Variants in SLC39A14 observed in about 807,000 individuals in gnomAD.
SLC39A14 encodes metal cation symporter ZIP14.
SLC39A14 carries 19 observed loss-of-function variants against 45.5 expected under a neutral mutation model. The observed-to-expected ratio is 0.42, with a 90% CI of 0.29 to 0.61. The LOEUF (loss-of-function observed/expected upper bound fraction) is 0.61. SLC39A14 is among the 20% of genes least tolerant of loss of function. SLC39A14 has a pLI of 0.22. For missense variants in SLC39A14, 447 were observed against 616.5 expected, an observed-to-expected ratio of 0.73 and a Z score of 2.91; for synonymous variants, 264 against 251.3, an observed-to-expected ratio of 1.05 and a Z score of -0.48.
intron 2 of SLC39A14, among the ~76,000 whole-genome samples, chr8:22,407,037 G>T (rs911933176): frequency 6.6e-6 from 1 of 152,224 alleles, no homozygotes; most frequent in East Asian, 1.9e-4. Context: ...CGTGAGAAGC[G>T]CTTACCTGCT....
rs1468327135 is a variant in SLC39A14 at position 22,420,783 on chromosome 8, T to G, written c.*1085T>G. 1.0e-6 allele frequency: 1 copy of G among 985,302 alleles called. No homozygotes were observed. The highest frequency in any genetic ancestry group is 1.2e-6 in the Non-Finnish European group (1 of 829,930). 61.0% of individuals were successfully genotyped at this position (985,302 alleles called of 1,614,324 possible). On this transcript the variant is annotated 3_prime_UTR_variant, in exon 9 of 9. Transcript: ENST00000381237. ...CAAAGCATGACTAATAGGGGGTCTC[T>G]GAAATGTAAGGGCACAAACTTCACT...
At chr8:22,397,532 A>T (rs971624190) in intron 1 of SLC39A14, among the ~76,000 whole-genome samples, 4 of 151,966 alleles carry the variant, frequency 2.6e-5, no homozygotes, top group Non-Finnish European at 5.9e-5. Context: ...GAGCCGAGAT[A>T]GCGCCGCTGC....
downstream of SLC39A14, among the ~76,000 whole-genome samples, chr8:22,427,336 C>G (rs1836403970): frequency 6.6e-6 from 1 of 152,052 alleles, no homozygotes; most frequent in African/African-American, 2.4e-5. Flanking sequence ...CTGCGTTTGG[C>G]TAACATTTTA....
rs1169988958 is a variant in SLC39A14 at position 22,394,481 on chromosome 8, G to A, written c.-15-10215G>A. Among the ~76,000 whole-genome samples the A allele has an allele frequency of 2.0e-5, 3 of 151,514 alleles. No individual in the cohort carries two copies. In the South Asian group the frequency reaches 6.3e-4, roughly 32 times the overall value. On this transcript the variant is annotated intron_variant, in intron 1 of 8. Transcript: ENST00000381237. ...ACTACAGGCGCCCACCACCACGCCC[G>A]GCTAATTTTTTGTATTTTTAGTAGA...
chr8:22,422,262 G>C lies in SLC39A14; in HGVS notation c.*2564G>C, dbSNP rs1368665350. 1.0e-6 allele frequency: 1 copy of C among 985,382 alleles called. No individual in the cohort carries two copies. Among genetic ancestry groups the C allele is most frequent in the Non-Finnish European group, 1.2e-6 (1 of 829,910 alleles). 61.0% of individuals were successfully genotyped at this position (985,382 alleles called of 1,614,324 possible). On this transcript the variant is annotated 3_prime_UTR_variant, in exon 9 of 9. Transcript: ENST00000381237. ...GTCACGTGCAGGAACAGTGAGGCAG[G>C]GACAGGGGTTCTGCTCCTTCTCACT... is the stretch of plus-strand genomic sequence containing the variant.
downstream of SLC39A14, among the ~76,000 whole-genome samples, chr8:22,424,340 C>T (rs996783250): frequency 1.3e-5 from 2 of 151,964 alleles, no homozygotes; most frequent in African/African-American, 2.4e-5. Context: ...TGTTTTTCTT[C>T]GACAACAGAA....
At chr8:22,391,552 G>A (rs1834071339) in intron 1 of SLC39A14, among the ~76,000 whole-genome samples, 1 of 151,976 alleles carries the variant, frequency 6.6e-6, no homozygotes. Context: ...CTTGGAAAGT[G>A]GTTCTGAGCT....
At chr8:22,417,921 G>T in intron 8 of SLC39A14, 86 bp downstream of exon 8, 1 of 1,167,730 alleles carries the variant, frequency 8.6e-7, no homozygotes, top group Non-Finnish European at 1.2e-6. Flanking sequence ...TTATTTTTTT[G>T]AGATGGAGTC....
At chr8:22,413,840 T>C (rs1415988534) in intron 4 of SLC39A14, among the ~76,000 whole-genome samples, 1 of 152,196 alleles carries the variant, frequency 6.6e-6, no homozygotes, top group African/African-American at 2.4e-5. Context: ...AGTGGTGCCA[T>C]CTCGGCTCAC....
At position 22,409,166 on chromosome 8, in the gene SLC39A14, A is replaced by G. The variant is rs576896787; in HGVS notation, c.457+670A>G. On this transcript the variant is annotated intron_variant, in intron 3 of 8. Transcript: ENST00000381237. ...TCCTTTAAGACCTCCCGGAGGCTGC[A>G]CTTGGCCCCTGAATCCTTCTTCCCC... Among the ~76,000 whole-genome samples the G allele has an allele frequency of 7.9e-5, 12 of 152,018 alleles. No individual in the cohort carries two copies. In the South Asian group the frequency reaches 2.3e-3, roughly 29 times the overall value.
At chr8:22,417,503 C>T in intron 7 of SLC39A14, 148 bp from the exon 8 acceptor site, 1 of 676,346 alleles carries the variant, frequency 1.5e-6, no homozygotes, top group Non-Finnish European at 2.6e-6. Flanking sequence ...CTGGCTCTCA[C>T]TTTGTCGCCA....
chr8:22,417,697 T>A lies in SLC39A14; in HGVS notation c.1194T>A (p.Ala398=). Residue 398 remains alanine, a synonymous_variant, in exon 8 of 9, where the codon GCT becomes GCA. Transcript: ENST00000381237. ...ACGCTGGGATGAGCATCCAACAAGC[T>A]CTCTTCTTCAACTTCCTTTCTGCCT... ...LLNAGMSIQQ[A]LFFNFLSACC... is the part of the protein sequence containing the mutation. The A allele has an allele frequency of 1.2e-6, 2 of 1,614,124 alleles. No homozygotes were observed. The highest frequency in any genetic ancestry group is 8.5e-7 in the Non-Finnish European group (1 of 1,180,024).
Position 22,416,254 on chromosome 8 carries a change from T to A in SLC39A14, c.1121T>A (p.Leu374His). 6.2e-7 allele frequency: 1 copy of A among 1,613,210 alleles called. No homozygotes were observed. The highest frequency in any genetic ancestry group is 8.5e-7 in the Non-Finnish European group (1 of 1,180,012). Residue 374 changes from leucine (L) to histidine (H), a missense_variant, in exon 7 of 9, where the codon CTC becomes CAC. By Grantham distance (99) the Leu-to-His change is moderately conservative. Around this residue, in one of 2 missense-constraint regions of SLC39A14, gnomAD observed 105 missense variants for 188.4 expected, o/e 0.56. Coordinates refer to ENST00000381237, the MANE Select transcript of SLC39A14 (RefSeq NM_001128431.4). The stretch of plus-strand genomic sequence containing the variant: ...GGCATCAGCACCTCGGTGGCCATCC[T>A]CTGTGAGGAGTTCCCACATGAGCTA... Reference protein sequence around the residue: ...FQGISTSVAILCEEFPHELGD... With the variant: ...FQGISTSVAIHCEEFPHELGD...
At chr8:22,409,425 C>G (rs376228561) in intron 3 of SLC39A14, among the ~76,000 whole-genome samples, 13 of 151,824 alleles carry the variant, frequency 8.6e-5, no homozygotes, top group East Asian at 3.9e-4. Flanking sequence ...TCTTGTTGCC[C>G]AGGCTGAAGT....
chr8:22,408,479 G>A lies in SLC39A14; in HGVS notation c.440G>A (p.Arg147Gln), dbSNP rs974112153. 14 of 1,613,426 alleles carry A rather than the reference G, an allele frequency of 8.7e-6. No individual in the cohort carries two copies. The highest frequency in any genetic ancestry group is 3.3e-5 in the South Asian group (3 of 91,036). The stretch of plus-strand genomic sequence containing the variant: ...GAGAATGAGCAGACGGAGGAGGGGC[G>A]GCCAAGCGCTGTTGAAGGTGAGCCA... ...NEENEQTEEG[R>Q]PSAVEVWGYG... The change falls in exon 3 of 9, where the codon CGG becomes CAG. Residue 147 changes from arginine to glutamine, a missense_variant. By Grantham distance (43) the Arg-to-Gln change is conservative. This residue lies in a region of SLC39A14 where 342 missense variants were observed against 428.1 expected (regional missense o/e 0.80). Coordinates refer to ENST00000381237, the MANE Select transcript of SLC39A14 (RefSeq NM_001128431.4).
At position 22,420,709 on chromosome 8, in the gene SLC39A14, G is replaced by A; in HGVS notation, c.*1011G>A. On this transcript the variant is annotated 3_prime_UTR_variant, in exon 9 of 9. Transcript: ENST00000381237. ...TGCTCTACTTAGACAAGGGTAATCA[G>A]AAATGGAATCAGTGCAGGCAAAATT... The A allele has an allele frequency of 1.0e-6, 1 of 985,378 alleles. No homozygotes were observed. Among genetic ancestry groups the A allele is most frequent in the Non-Finnish European group, 1.2e-6 (1 of 829,916 alleles). 61.0% of individuals were successfully genotyped at this position (985,378 alleles called of 1,614,324 possible). A position where few individuals can be genotyped will look rare whatever the true frequency, so the allele number is the denominator to read the frequency against.
At chr8:22,380,458 G>A (rs889770971) in intron 1 of SLC39A14, among the ~76,000 whole-genome samples, 9 of 152,184 alleles carry the variant, frequency 5.9e-5, no homozygotes, top group Non-Finnish European at 1.0e-4. Flanking sequence ...TCTCTAGCCC[G>A]AGGTGGCCTG....
At chr8:22,405,062 C>A in intron 2 of SLC39A14, 82 bp downstream of exon 2, 1 of 1,355,976 alleles carries the variant, frequency 7.4e-7, no homozygotes, top group Non-Finnish European at 1.0e-6. Context: ...GGGCCCAGGG[C>A]AGCCTGGCAG....
chr8:22,427,443 AT>A (rs1305593858), downstream of SLC39A14, among the ~76,000 whole-genome samples: 2 of 152,208 alleles, frequency 1.3e-5, no homozygotes, highest in African/African-American at 4.8e-5. Flanking sequence ...AAAACAACTA[AT>A]TCAATAAAGG....
Sources: gnomAD v4.1 joint callset for allele counts (sites outside exome capture counted in the v4.1 genomes callset) on GRCh38, gnomAD v4.1.1 for gene constraint, gnomAD v4.1.1 regional missense constraint, MANE v1.5 for transcripts, NCBI Gene and HGNC (gene_info 2026-07-23, HGNC 2026-07-21) for gene names.